FGF12: variants seen among roughly 807,000 people sequenced by gnomAD.
The protein encoded by FGF12 is fibroblast growth factor 12, also known as fibroblast growth factor 12B.
FGF12 carries 14 observed loss-of-function variants against 23.6 expected under a neutral mutation model. The observed-to-expected ratio is 0.59, with a 90% CI of 0.39 to 0.93. FGF12 has a LOEUF of 0.93. Ranked by LOEUF, FGF12 falls within the 40% of genes least tolerant of loss-of-function variation. FGF12 has a pLI of 0.00. For synonymous variants in FGF12, 62 were observed against 77.3 expected, an observed-to-expected ratio of 0.80 and a Z score of 1.04; for missense variants, 175 against 217.8, an observed-to-expected ratio of 0.80 and a Z score of 1.24.
chr3:192,212,866 T>C (rs1718006751), intron 4 of FGF12, among the ~76,000 whole-genome samples: 1 of 152,196 alleles, frequency 6.6e-6, no homozygotes, highest in Non-Finnish European at 1.5e-5. Context: ...CCTTGAGCTT[T>C]GGTGGAGACA....
At chr3:192,395,609 G>T (rs1361220896) in intron 2 of FGF12, among the ~76,000 whole-genome samples, 1 of 152,176 alleles carries the variant, frequency 6.6e-6, no homozygotes, top group African/African-American at 2.4e-5. Context: ...GAAATGACAG[G>T]GCGCTTGCCC....
intron 3 of FGF12, among the ~76,000 whole-genome samples, chr3:192,337,346 A>G (rs1717468688): frequency 6.6e-6 from 1 of 152,096 alleles, no homozygotes; most frequent in Non-Finnish European, 1.5e-5. Context: ...AAGAACAGAA[A>G]ACATTTTAGT....
At chr3:192,557,467 G>A (rs1711835151) in intron 2 of FGF12, among the ~76,000 whole-genome samples, 2 of 151,896 alleles carry the variant, frequency 1.3e-5, no homozygotes, top group South Asian at 2.1e-4. Flanking sequence ...CTTCATTTAT[G>A]AATTCTATTT....
chr3:192,708,414 A>G (rs934396368), intron 2 of FGF12, among the ~76,000 whole-genome samples: 12 of 152,338 alleles, frequency 7.9e-5, no homozygotes, highest in African/African-American at 2.4e-4. Context: ...GAAAAGTGCT[A>G]TAAAAATTAA....
At chr3:192,170,193 G>A (rs1229143761) in intron 5 of FGF12, among the ~76,000 whole-genome samples, 1 of 141,426 alleles carries the variant, frequency 7.1e-6, no homozygotes, top group East Asian at 2.1e-4. Context: ...TGAGGCAGGA[G>A]AATTGCTCGA....
intron 2 of FGF12, among the ~76,000 whole-genome samples, chr3:192,709,560 T>C (rs941387194): frequency 6.6e-6 from 1 of 152,218 alleles, no homozygotes; most frequent in African/African-American, 2.4e-5. Context: ...AGTTTCAGTC[T>C]TGACTTCACC....
At chr3:192,672,842 T>C (rs1249755468) in intron 2 of FGF12, 1 of 151,038 alleles carries the variant, frequency 6.6e-6, no homozygotes, top group East Asian at 1.9e-4. Flanking sequence ...TTATCTCTCC[T>C]GTTCAACTCA....
chr3:192,162,490 A>G (rs1458735526), intron 5 of FGF12, among the ~76,000 whole-genome samples: 2 of 152,130 alleles, frequency 1.3e-5, no homozygotes, highest in South Asian at 2.1e-4. Flanking sequence ...TAAAGACTAC[A>G]TTCAGAAACC....
intron 3 of FGF12, among the ~76,000 whole-genome samples, chr3:192,353,150 A>G (rs1347188006): frequency 6.6e-6 from 1 of 152,208 alleles, no homozygotes; most frequent in Non-Finnish European, 1.5e-5. Context: ...CCAAAGCACT[A>G]GTCATCACAC....
At chr3:192,196,637 A>G (rs1157800571) in intron 4 of FGF12, among the ~76,000 whole-genome samples, 1 of 152,200 alleles carries the variant, frequency 6.6e-6, no homozygotes, top group African/African-American at 2.4e-5. Flanking sequence ...AAAATTAATA[A>G]CTAAAATATT....
intron 2 of FGF12, among the ~76,000 whole-genome samples, chr3:192,658,989 A>G (rs1246184454): frequency 6.6e-6 from 1 of 152,216 alleles, no homozygotes; most frequent in Non-Finnish European, 1.5e-5. Flanking sequence ...TGGTCCGGCC[A>G]GGACGCCAAG....
At chr3:192,370,301 C>A (rs781587697) in intron 2 of FGF12, among the ~76,000 whole-genome samples, 6 of 152,076 alleles carry the variant, frequency 3.9e-5, no homozygotes, top group Non-Finnish European at 7.4e-5. Context: ...ATTTATGCCA[C>A]GTGTATGTGC....
chr3:192,661,225 TA>T (rs1266728266), intron 2 of FGF12, among the ~76,000 whole-genome samples: 1 of 152,056 alleles, frequency 6.6e-6, no homozygotes, highest in South Asian at 2.1e-4. Flanking sequence ...ACTGGCACTA[TA>T]AAAAAATTAA....
intron 3 of FGF12, among the ~76,000 whole-genome samples, chr3:192,348,837 A>G (rs1718079208): frequency 6.6e-6 from 1 of 152,166 alleles, no homozygotes; most frequent in Non-Finnish European, 1.5e-5. Flanking sequence ...TTCAAAATAG[A>G]AATGATTACA....
intron 2 of FGF12, among the ~76,000 whole-genome samples, chr3:192,665,214 T>C (rs560289903): frequency 6.6e-6 from 1 of 152,204 alleles, no homozygotes; most frequent in South Asian, 2.1e-4. Flanking sequence ...AAAAATAAAT[T>C]AGACACAGTT....
chr3:192,164,925 AAAT>A (rs1477493322), intron 5 of FGF12, among the ~76,000 whole-genome samples: 1 of 152,120 alleles, frequency 6.6e-6, no homozygotes, highest in Non-Finnish European at 1.5e-5. Flanking sequence ...CCCTATGGAA[AAAT>A]ATTATCGAAA....
intron 2 of FGF12, among the ~76,000 whole-genome samples, chr3:192,419,092 T>C (rs951059880): frequency 2.6e-5 from 4 of 152,202 alleles, no homozygotes; most frequent in Non-Finnish European, 5.9e-5. Context: ...GTCTGAAATA[T>C]GGGGTCAGGT....
chr3:192,566,946 T>G (rs2108599336), intron 2 of FGF12, among the ~76,000 whole-genome samples: 1 of 152,278 alleles, frequency 6.6e-6, no homozygotes, highest in Admixed American at 6.5e-5. Flanking sequence ...AATTCTCAGA[T>G]TCCGTCTATT....
At chr3:192,682,167 C>T (rs1717551865) in intron 2 of FGF12, among the ~76,000 whole-genome samples, 1 of 152,080 alleles carries the variant, frequency 6.6e-6, no homozygotes, top group African/African-American at 2.4e-5. Context: ...GTAATTCTCC[C>T]AGCAGTGGTC....
Sources: allele counts gnomAD v4.1 joint callset (sites outside exome capture counted in the v4.1 genomes callset), GRCh38; gene constraint gnomAD v4.1.1; transcripts MANE v1.5; gene names NCBI Gene and HGNC (gene_info 2026-07-23, HGNC 2026-07-21).